Variants in NUCKS1 observed in about 807,000 individuals in gnomAD.
NUCKS1 encodes nuclear ubiquitous casein and cyclin-dependent kinase substrate 1.
A neutral mutation model predicts 33.0 loss-of-function variants in NUCKS1; 2 were observed. The observed-to-expected ratio is 0.06, with a 90% CI of 0.02 to 0.19. The LOEUF is 0.19. Ranked by LOEUF, NUCKS1 falls within the 10% of genes least tolerant of loss-of-function variation. The probability of loss-of-function intolerance (pLI) is 1.00; values close to 1 mark genes in which losing one functional copy is unlikely to be tolerated. For missense variants in NUCKS1, 201 were observed against 293.6 expected (o/e 0.68, Z 2.31); for synonymous variants, 106 against 102.8 (o/e 1.03, Z -0.19).
chr1:205,746,445 T>TCACA (rs769978235), intron 1 of NUCKS1, among the ~76,000 whole-genome samples: 1,103 of 84,880 alleles, frequency 0.013, 13 homozygotes, highest in African/African-American at 0.037. Context: ...CTTCTCTCTC[T>TCACA]CTCTCTCTCA....
chr1:205,720,355 TAC>T lies in NUCKS1; in HGVS notation c.382+144_382+145del. 3 of 711,870 alleles carry T rather than the reference TAC, an allele frequency of 4.2e-6. No homozygotes were observed. The East Asian group carries it at 7.7e-5, about 18-fold the overall frequency. 44.1% of individuals were successfully genotyped at this position (711,870 alleles called of 1,614,324 possible). A position where few individuals can be genotyped will look rare whatever the true frequency, so the allele number is the denominator to read the frequency against. The stretch of plus-strand genomic sequence containing the variant: ...CTTTAAAAATATTAACAGGAACCAA[TAC>T]AGTCATCTCTTTTAACACGGAGTAT... On this transcript the variant is annotated intron_variant, in intron 5 of 6. Coordinates refer to ENST00000367142, the MANE Select transcript of NUCKS1 (RefSeq NM_022731.5).
In NUCKS1 at chr1:205,718,237, C is replaced by CTTT; in HGVS notation, c.*40_*42dup. Reference sequence around the variant, plus strand: ...TCCTCCCTCTTTTTTCTTTTTTTTTCTTTTTTTTTTTAATAAAATCTCTCC... The same window carrying CTTT: ...TCCTCCCTCTTTTTTCTTTTTTTTTCTTTTTTTTTTTTTTAATAAAATCTCTCC... On this transcript the variant is annotated 3_prime_UTR_variant, in exon 7 of 7. Transcript: ENST00000367142. 2 of 653,540 alleles carry CTTT rather than the reference C, an allele frequency of 3.1e-6. No individual in the cohort carries two copies. Among genetic ancestry groups the CTTT allele is most frequent in the East Asian group, 3.3e-5 (1 of 30,086 alleles). The allele number at this position is 653,540 out of a possible 1,614,324, so 40.5% of individuals were successfully genotyped here.
Position 205,749,446 on chromosome 1 carries a change from C to T in NUCKS1, c.17+511G>A, listed in dbSNP as rs142429572. ...TGGCAGTGCTGCCCCTCCCCCTTTGCCAGGAACACCCCCGTCCGCTACAGA... is the reference window on the plus strand; with the variant it reads ...TGGCAGTGCTGCCCCTCCCCCTTTGTCAGGAACACCCCCGTCCGCTACAGA... On this transcript the variant is annotated intron_variant, in intron 1 of 6. Transcript: ENST00000367142. Among the ~76,000 whole-genome samples the T allele has an allele frequency of 2.1e-3, 321 of 152,202 alleles. 2 individuals carry two copies. The highest frequency in any genetic ancestry group is 7.6e-3 in the African/African-American group (314 of 41,544).
intron 1 of NUCKS1, among the ~76,000 whole-genome samples, chr1:205,734,286 A>C (rs894592257): frequency 1.3e-5 from 2 of 152,208 alleles, no homozygotes; most frequent in Non-Finnish European, 2.9e-5. Flanking sequence ...TGCCATGTAG[A>C]CTATATTGGC....
At position 205,722,462 on chromosome 1, in the gene NUCKS1, G is replaced by A. The variant is rs1411877057; in HGVS notation, c.229+1464C>T. ...AGTAGAGAAGGAGTTTTGCCATGTT[G>A]GCCAGGCTGGTCTCGAACTCCTGAC... On this transcript the variant is annotated intron_variant, in intron 4 of 6. Coordinates refer to ENST00000367142, the MANE Select transcript of NUCKS1 (RefSeq NM_022731.5). 3.3e-5 allele frequency among the ~76,000 whole-genome samples: 5 copies of A among 152,260 alleles called. 1 individual carries two copies. The East Asian group carries it at 9.7e-4, about 29-fold the overall frequency.
At chr1:205,747,043 T>C (rs1377686020) in intron 1 of NUCKS1, among the ~76,000 whole-genome samples, 2 of 152,206 alleles carry the variant, frequency 1.3e-5, no homozygotes, top group Non-Finnish European at 2.9e-5. Flanking sequence ...GCATTTTCCT[T>C]CCTTCCTCAC....
chr1:205,742,835 A>T (rs562719581), intron 1 of NUCKS1, among the ~76,000 whole-genome samples: 1 of 152,180 alleles, frequency 6.6e-6, no homozygotes, highest in African/African-American at 2.4e-5. Flanking sequence ...AAAGAAAAAA[A>T]AATAAATAAA....
chr1:205,719,227 A>G (rs778723216), intron 6 of NUCKS1, among the ~76,000 whole-genome samples: 2 of 152,210 alleles, frequency 1.3e-5, no homozygotes, highest in Non-Finnish European at 2.9e-5. Flanking sequence ...GAGCAGTAAC[A>G]ACTATGATGA....
chr1:205,716,158 T>C lies in NUCKS1; in HGVS notation c.*2122A>G, dbSNP rs984013255. ...AGAAGACATGATTACCTCTAAAATA[T>C]GTGCATATATCACAGAGATGTTAGT... On this transcript the variant is annotated 3_prime_UTR_variant, in exon 7 of 7. Coordinates refer to ENST00000367142, the MANE Select transcript of NUCKS1 (RefSeq NM_022731.5). 3.9e-5 allele frequency: 6 copies of C among 152,180 alleles called. No homozygotes were observed. Among genetic ancestry groups the C allele is most frequent in the African/African-American group, 1.4e-4 (6 of 41,444 alleles). The allele number at this position is 152,180 out of a possible 1,614,324, so 9.4% of individuals were successfully genotyped here.
At chr1:205,719,716 C>T (rs199680452) in intron 5 of NUCKS1, 40 bp from the exon 6 acceptor site, 3 of 1,582,540 alleles carry the variant, frequency 1.9e-6, no homozygotes, top group East Asian at 4.5e-5. Flanking sequence ...ACTTAATGTA[C>T]ACATCCTTCC....
Position 205,718,229 on chromosome 1 carries a change from TTTTTTTTC to T in NUCKS1, c.*43_*50del. 4 of 604,388 alleles carry T rather than the reference TTTTTTTTC, an allele frequency of 6.6e-6. No individual in the cohort carries two copies. Among genetic ancestry groups the T allele is most frequent in the Non-Finnish European group, 1.0e-5 (4 of 381,590 alleles). 37.4% of individuals were successfully genotyped at this position (604,388 alleles called of 1,614,324 possible). A position where few individuals can be genotyped will look rare whatever the true frequency, so the allele number is the denominator to read the frequency against. On this transcript the variant is annotated 3_prime_UTR_variant, in exon 7 of 7. Coordinates refer to ENST00000367142, the MANE Select transcript of NUCKS1 (RefSeq NM_022731.5). ...CTTTTTTTTCCTCCCTCTTTTTTCT[TTTTTTTTC>T]TTTTTTTTTTTAATAAAATCTCTCC...
chr1:205,746,439 TC>T (rs1654328539), intron 1 of NUCKS1, among the ~76,000 whole-genome samples: 1 of 38,718 alleles, frequency 2.6e-5, no homozygotes, highest in Non-Finnish European at 7.0e-5. Flanking sequence ...AACTCACTTC[TC>T]TCTCTCTCTC....
chr1:205,744,305 T>C (rs1000232199), intron 1 of NUCKS1, among the ~76,000 whole-genome samples: 1 of 152,178 alleles, frequency 6.6e-6, no homozygotes, highest in Non-Finnish European at 1.5e-5. Context: ...GTAGTTACTT[T>C]TTTTATCCTA....
intron 1 of NUCKS1, among the ~76,000 whole-genome samples, chr1:205,747,794 A>G (rs1414104632): frequency 6.6e-6 from 1 of 152,256 alleles, no homozygotes; most frequent in Non-Finnish European, 1.5e-5. Context: ...TTCTTCAATT[A>G]TACTTTGAAA....
rs1410529847 is a variant in NUCKS1, at chr1:205,713,694, A to G, written c.*4586T>C. On this transcript the variant is annotated 3_prime_UTR_variant, in exon 7 of 7. Transcript: ENST00000367142. ...TAACTTCCTTAGTACCATGCTGCAG[A>G]TTTCAGCACTGTTAAGGTATTGCAA... 1 of 152,232 alleles carries G rather than the reference A, an allele frequency of 6.6e-6. No individual in the cohort carries two copies. Among genetic ancestry groups the G allele is most frequent in the Non-Finnish European group, 1.5e-5 (1 of 68,042 alleles). 9.4% of individuals were successfully genotyped at this position (152,232 alleles called of 1,614,324 possible).
At chr1:205,749,018 G>T (rs1230237546) in intron 1 of NUCKS1, among the ~76,000 whole-genome samples, 1 of 152,134 alleles carries the variant, frequency 6.6e-6, no homozygotes, top group African/African-American at 2.4e-5. Flanking sequence ...TAGCAAACTT[G>T]TTGAAATTCC....
intron 2 of NUCKS1, among the ~76,000 whole-genome samples, chr1:205,729,130 G>A (rs939609495): frequency 1.2e-4 from 18 of 152,056 alleles, no homozygotes; most frequent in Admixed American, 5.2e-4. Context: ...CAACACTCCC[G>A]GCTAATTTTT....
intron 1 of NUCKS1, among the ~76,000 whole-genome samples, chr1:205,749,317 ACT>A (rs775206470): frequency 2.0e-5 from 3 of 152,216 alleles, no homozygotes; most frequent in Non-Finnish European, 2.9e-5. Context: ...CCAGTCCCGA[ACT>A]CTCACTTTTG....
chr1:205,747,762 A>G (rs1352804295), intron 1 of NUCKS1, among the ~76,000 whole-genome samples: 1 of 152,220 alleles, frequency 6.6e-6, no homozygotes, highest in Non-Finnish European at 1.5e-5. Flanking sequence ...CGTTGATGTT[A>G]AATGCACTAA....
Sources: allele counts gnomAD v4.1 joint callset (sites outside exome capture counted in the v4.1 genomes callset), GRCh38; gene constraint gnomAD v4.1.1; transcripts MANE v1.5; gene names NCBI Gene and HGNC (gene_info 2026-07-23, HGNC 2026-07-21).